Variants in FBF1 observed in about 807,000 individuals in gnomAD.
FBF1 encodes the protein Fas binding factor 1.
In FBF1, 119 loss-of-function variants were observed where a neutral mutation model predicts 147.2. That is an observed-to-expected ratio of 0.81 (90% confidence interval 0.70 to 0.94). FBF1 has a LOEUF of 0.94. Among genes scored for constraint, FBF1 ranks in the 40% least tolerant of loss-of-function variants. The pLI is 0.00. For missense variants in FBF1, 1,449 were observed against 1,500.8 expected, an observed-to-expected ratio of 0.97 and a Z score of 0.57; for synonymous variants, 601 against 609.0, an observed-to-expected ratio of 0.99 and a Z score of 0.19.
chr17:75,910,851 A>G lies in FBF1; in HGVS notation c.3364-45T>C. 1 of 1,513,896 alleles carries G rather than the reference A, an allele frequency of 6.6e-7. No individual in the cohort carries two copies. The highest frequency in any genetic ancestry group is 1.2e-5 in the South Asian group (1 of 84,360). The allele number at this position is 1,513,896 out of a possible 1,614,324, so 93.8% of individuals were successfully genotyped here. ...GGGCGGTCACCTTCCCTGAGCTGAG[A>G]GGGAGGTGGAGCCCTGGATGCTAGC... On this transcript the variant is annotated intron_variant, in intron 29 of 29. Coordinates refer to ENST00000636174, the MANE Select transcript of FBF1 (RefSeq NM_001319193.2). This position sits in a 1 kb window ranked among gnomAD's most constrained non-coding sequence, Gnocchi z 4.1.
chr17:75,909,686 G>A lies in FBF1; in HGVS notation c.*1037C>T. On this transcript the variant is annotated 3_prime_UTR_variant, in exon 30 of 30. Transcript: ENST00000636174. ...GGTCCAGCTGCCAGGTGCCACCGCA[G>A]ACCGCAGGTGCTGGAGGGGAGAGGC... 1 of 573,648 alleles carries A rather than the reference G, an allele frequency of 1.7e-6. No homozygotes were observed. The highest frequency in any genetic ancestry group is 3.1e-6 in the Non-Finnish European group (1 of 321,316). The allele number at this position is 573,648 out of a possible 1,614,324, so 35.5% of individuals were successfully genotyped here.
At chr17:75,911,259 TATAA>T (rs1043898312) in intron 29 of FBF1, among the ~76,000 whole-genome samples, 1 of 152,142 alleles carries the variant, frequency 6.6e-6, no homozygotes, top group Non-Finnish European at 1.5e-5. Context: ...CATTTCTAAA[TATAA>T]ATAAATAAGT....
chr17:75,916,444 A>G (rs1407324717), intron 23 of FBF1, among the ~76,000 whole-genome samples: 1 of 152,136 alleles, frequency 6.6e-6, no homozygotes, highest in Non-Finnish European at 1.5e-5. Flanking sequence ...ACATGGCAAG[A>G]CCCACATCTC....
intron 4 of FBF1, among the ~76,000 whole-genome samples, chr17:75,935,026 G>A (rs2065615796): frequency 6.6e-6 from 1 of 152,144 alleles, no homozygotes; most frequent in African/African-American, 2.4e-5. Flanking sequence ...ACTACTAATG[G>A]GCATGGGGTT....
At chr17:75,938,984 G>A (rs2065642141) in intron 1 of FBF1, among the ~76,000 whole-genome samples, 1 of 152,006 alleles carries the variant, frequency 6.6e-6, no homozygotes, top group Non-Finnish European at 1.5e-5. Context: ...TATAGGGGAT[G>A]CACTTCAGAA....
In FBF1 at chr17:75,926,798, T is replaced by A; in HGVS notation, c.555A>T (p.Lys185Asn). Residue 185 changes from lysine (K) to asparagine (N), a missense_variant, in exon 10 of 30, where the codon AAA (lysine) becomes AAT (asparagine). Transcript: ENST00000636174. ...TGCTGGGGCTCTTGTCAGAAGCTGTTTTACTCTGTGTCACAGGCGGCTGCT... is the reference window on the plus strand; with the variant it reads ...TGCTGGGGCTCTTGTCAGAAGCTGTATTACTCTGTGTCACAGGCGGCTGCT... ...ITKQPPVTQSKTASDKSPSTV... is the reference protein window; with the variant it reads ...ITKQPPVTQSNTASDKSPSTV... The A allele has an allele frequency of 6.2e-7, 1 of 1,613,926 alleles. No homozygotes were observed.
chr17:75,921,269 G>A lies in FBF1; in HGVS notation c.1649C>T (p.Pro550Leu). ...PATCFPSTQK[P>L]TEPSVPVQPL... The stretch of plus-strand genomic sequence containing the variant: ...CTGGACGGGCACGGAAGGCTCTGTG[G>A]GTTTCTGGGTGCTCGGGAAACACGT... The change falls in exon 17 of 30, where the codon CCC becomes CTC. Residue 550 changes from proline (P) to leucine (L), a missense_variant. Transcript: ENST00000636174. 1 of 1,592,982 alleles carries A rather than the reference G, an allele frequency of 6.3e-7. No individual in the cohort carries two copies. Among genetic ancestry groups the A allele is most frequent in the Non-Finnish European group, 8.5e-7 (1 of 1,169,790 alleles).
Position 75,919,916 on chromosome 17 carries a change from G to A in FBF1, c.1932-42C>T. ...CAGCCATGGCGCAAGGAAGGCAGAG[G>A]GCTGCCGCCTAAAGGCCTCTCCAGG... On this transcript the variant is annotated intron_variant, in intron 19 of 29. Coordinates refer to ENST00000636174, the MANE Select transcript of FBF1 (RefSeq NM_001319193.2). This position sits in a 1 kb window ranked among gnomAD's most constrained non-coding sequence, Gnocchi z 5.0. The A allele has an allele frequency of 6.2e-7, 1 of 1,612,940 alleles. No homozygotes were observed. Among genetic ancestry groups the A allele is most frequent in the Non-Finnish European group, 8.5e-7 (1 of 1,179,416 alleles).
rs534255129 is a variant in FBF1 at position 75,921,218 on chromosome 17, C to A, written c.1674+26G>T. ...GGAGAATTGCTCCCTAGGCCCTGAG[C>A]TAGACCTGTCTGCCCACACCCCTAC... On this transcript the variant is annotated intron_variant, in intron 17 of 29. Transcript: ENST00000636174. The A allele has an allele frequency of 1.9e-6, 3 of 1,568,074 alleles. No individual in the cohort carries two copies. The South Asian group carries it at 3.5e-5, about 18-fold the overall frequency.
At chr17:75,936,138 C>A (rs553445304) in intron 3 of FBF1, among the ~76,000 whole-genome samples, 1 of 152,306 alleles carries the variant, frequency 6.6e-6, no homozygotes, top group South Asian at 2.1e-4. Flanking sequence ...CACAGTGAAA[C>A]CCTGTCTCTA....
chr17:75,912,035 T>C (rs781569355), intron 29 of FBF1, among the ~76,000 whole-genome samples, 157 bp downstream of exon 29: 13 of 152,224 alleles, frequency 8.5e-5, no homozygotes, highest in Non-Finnish European at 1.6e-4. Context: ...TGGCCTAGTG[T>C]GGAAGTCTGA....
At chr17:75,937,743 C>T (rs148201699) in intron 2 of FBF1, 150 bp from the exon 3 acceptor site, 1 of 827,310 alleles carries the variant, frequency 1.2e-6, no homozygotes, top group Admixed American at 2.0e-5. Context: ...TTTATGTGTT[C>T]CTATAGTTTC....
intron 1 of FBF1, among the ~76,000 whole-genome samples, chr17:75,939,244 CGAG>C (rs1392201832): frequency 1.4e-5 from 2 of 145,732 alleles, no homozygotes; most frequent in African/African-American, 5.2e-5. Flanking sequence ...TGCAGTGAGC[CGAG>C]ATCGCCCCAC....
chr17:75,937,844 A>T (rs1567865214), intron 2 of FBF1: 3 of 629,798 alleles, frequency 4.8e-6, no homozygotes, highest in Non-Finnish European at 2.8e-6. Flanking sequence ...CCCAGACACG[A>T]CATGCAAACC....
At chr17:75,931,433 C>T (rs1156398584) in intron 5 of FBF1, 144 bp from the exon 6 acceptor site, 5 of 657,460 alleles carry the variant, frequency 7.6e-6, no homozygotes, top group Non-Finnish European at 1.0e-5. Flanking sequence ...TCACAGGCCA[C>T]CTGATGCAGT....
chr17:75,923,393 GA>G lies in FBF1; in HGVS notation c.1216del (p.Ser406ProfsTer33). The G allele has an allele frequency of 6.2e-7, 1 of 1,607,308 alleles. No individual in the cohort carries two copies. The highest frequency in any genetic ancestry group is 8.5e-7 in the Non-Finnish European group (1 of 1,177,320). ...QHSTPAGLPP[S>X]RAKPPTEGAG... ...ACCTTCAGTTGGTGGCTTTGCCCTG[GA>G]GGGGGGCAGCCCAGCTGGCGTGGAG... On this transcript the variant is annotated frameshift_variant, in exon 14 of 30. Transcript: ENST00000636174. LOFTEE classifies it high-confidence loss of function. The surrounding 1 kb of genome is among the most constrained non-coding windows in gnomAD (Gnocchi z 4.1).
rs2065453641 is a variant in FBF1 at position 75,910,951 on chromosome 17, T to C, written c.3364-145A>G. 3 of 662,190 alleles carry C rather than the reference T, an allele frequency of 4.5e-6. No individual in the cohort carries two copies. The highest frequency in any genetic ancestry group is 3.6e-5 in the South Asian group (2 of 55,302). The allele number at this position is 662,190 out of a possible 1,614,324, so 41.0% of individuals were successfully genotyped here. ...TGGCTCTGGGAGTCAGCAGGGGCCATGAAAGAGCCCAGGTATGGAGTGAGA... is the reference window on the plus strand; with the variant it reads ...TGGCTCTGGGAGTCAGCAGGGGCCACGAAAGAGCCCAGGTATGGAGTGAGA... On this transcript the variant is annotated intron_variant, in intron 29 of 29. Coordinates refer to ENST00000636174, the MANE Select transcript of FBF1 (RefSeq NM_001319193.2). This position sits in a 1 kb window ranked among gnomAD's most constrained non-coding sequence, Gnocchi z 4.1.
chr17:75,931,495 A>G (rs760149156), intron 5 of FBF1, among the ~76,000 whole-genome samples: 2 of 152,178 alleles, frequency 1.3e-5, no homozygotes, highest in Non-Finnish European at 2.9e-5. Context: ...ATTGTTAAAA[A>G]CCATAGGGCT....
chr17:75,929,883 G>T, intron 7 of FBF1, 114 bp downstream of exon 7: 1 of 995,114 alleles, frequency 1.0e-6, no homozygotes, highest in Non-Finnish European at 1.5e-6. Context: ...GAAGGGCTCA[G>T]AAACACAGGT....
Sources: allele counts gnomAD v4.1 joint callset (sites outside exome capture counted in the v4.1 genomes callset), GRCh38; gene constraint gnomAD v4.1.1; non-coding constraint Gnocchi (gnomAD v3.1); transcripts MANE v1.5; gene names NCBI Gene and HGNC (gene_info 2026-07-23, HGNC 2026-07-21).